Variants in STIMATE observed in about 807,000 individuals in gnomAD.
The protein encoded by STIMATE is store-operated calcium entry regulator STIMATE.
In STIMATE, 15 loss-of-function variants were observed where a neutral mutation model predicts 36.7. The ratio of observed to expected loss-of-function variants is 0.41; its 90% CI spans 0.27 to 0.63. The LOEUF is 0.63. Among genes scored for constraint, STIMATE ranks in the 20% least tolerant of loss-of-function variants. STIMATE has a pLI of 0.32. For missense variants in STIMATE, 305 were observed against 397.3 expected (o/e 0.77, Z 1.98); for synonymous variants, 163 against 162.3 (o/e 1.00, Z -0.03).
chr3:52,847,785 T>C (rs1188374499), intron 4 of STIMATE, among the ~76,000 whole-genome samples: 1 of 152,204 alleles, frequency 6.6e-6, no homozygotes, highest in Admixed American at 6.5e-5. Context: ...GTCAGCTGAC[T>C]TTAAGACAGG....
chr3:52,843,846 T>C (rs1578798437), intron 5 of STIMATE, 48 bp from the exon 6 acceptor site: 1 of 1,554,434 alleles, frequency 6.4e-7, no homozygotes, highest in African/African-American at 1.5e-5. Flanking sequence ...CCACCGAGAG[T>C]GTGCCTGGGG....
Position 52,843,255 on chromosome 3 carries a change from C to T in STIMATE, c.619-295G>A, listed in dbSNP as rs1011425926. On this transcript the variant is annotated intron_variant, in intron 6 of 7. Transcript: ENST00000355083. ...CCTGGAAGCAAGGTCTCTGGACACG[C>T]GTTCCAGGCCCCTCCCCACAGACTC... 1.6e-5 allele frequency: 7 copies of T among 443,882 alleles called. 1 individual carries two copies. The highest frequency in any genetic ancestry group is 5.5e-5 in the South Asian group (2 of 36,044). The allele number at this position is 443,882 out of a possible 1,614,324, so 27.5% of individuals were successfully genotyped here.
At chr3:52,888,012 T>G (rs1159273815) in intron 1 of STIMATE, among the ~76,000 whole-genome samples, 1 of 142,844 alleles carries the variant, frequency 7.0e-6, no homozygotes, top group African/African-American at 2.6e-5. Context: ...TTTTTTTTTT[T>G]TTTTTTTTTG....
chr3:52,879,628 A>T (rs1050309898), intron 1 of STIMATE, among the ~76,000 whole-genome samples: 2 of 152,182 alleles, frequency 1.3e-5, no homozygotes, highest in Non-Finnish European at 2.9e-5. Context: ...TCAGAATAGG[A>T]TTCCTCAACT....
intron 3 of STIMATE, among the ~76,000 whole-genome samples, chr3:52,850,798 A>G (rs1291152545): frequency 6.6e-6 from 1 of 152,196 alleles, no homozygotes; most frequent in African/African-American, 2.4e-5. Context: ...CGGTGCAATC[A>G]GCTCACTGCA....
intron 1 of STIMATE, among the ~76,000 whole-genome samples, chr3:52,869,695 C>A (rs1410114266): frequency 6.6e-6 from 1 of 152,222 alleles, no homozygotes; most frequent in Non-Finnish European, 1.5e-5. Context: ...GGCACCCAGG[C>A]CAGTACCTGG....
chr3:52,839,195 CCT>C lies in STIMATE; in HGVS notation c.*1297_*1298del, dbSNP rs1231882349. The C allele has an allele frequency of 6.6e-6, 1 of 152,288 alleles. No individual in the cohort carries two copies. Among genetic ancestry groups the C allele is most frequent in the Admixed American group, 6.5e-5 (1 of 15,286 alleles). The allele number at this position is 152,288 out of a possible 1,614,324, so 9.4% of individuals were successfully genotyped here. ...GGTTTAGAGAGTGAGCTCTCTCACC[CCT>C]GCCTCCCTTAGCCACCTCAGCTTTG... On this transcript the variant is annotated 3_prime_UTR_variant, in exon 8 of 8. Transcript: ENST00000355083.
chr3:52,858,935 G>A (rs950915214), intron 1 of STIMATE, among the ~76,000 whole-genome samples: 6 of 152,100 alleles, frequency 3.9e-5, no homozygotes, highest in African/African-American at 1.4e-4. Context: ...GAGGTGGGCA[G>A]ATCACCTGAG....
chr3:52,854,811 T>A (rs565661450), intron 2 of STIMATE, among the ~76,000 whole-genome samples: 1 of 152,302 alleles, frequency 6.6e-6, no homozygotes, highest in African/African-American at 2.4e-5. Flanking sequence ...CTGTTCTAAC[T>A]CCAGGTAGTT....
chr3:52,840,347 TG>T lies in STIMATE; in HGVS notation c.*146del. On this transcript the variant is annotated 3_prime_UTR_variant, in exon 8 of 8. Transcript: ENST00000355083. Reference sequence around the variant, plus strand: ...TCCCTCTTTTTAAGTCACAGTAGTCTGGGGGCAGGCGAGAGCGGGCAGAGAC... The same window carrying T: ...TCCCTCTTTTTAAGTCACAGTAGTCTGGGGCAGGCGAGAGCGGGCAGAGAC... 1.1e-6 allele frequency: 1 copy of T among 935,606 alleles called. No homozygotes were observed. Among genetic ancestry groups the T allele is most frequent in the African/African-American group, 1.7e-5 (1 of 60,604 alleles). 58.0% of individuals were successfully genotyped at this position (935,606 alleles called of 1,614,324 possible). A position where few individuals can be genotyped will look rare whatever the true frequency, so the allele number is the denominator to read the frequency against.
rs190126348 is a variant in STIMATE, at chr3:52,878,211, C to T, written c.160+19080G>A. ...AACTACCATAATGTGGCCTGGTGGTCATGAGAGGCAAGGGACCAAATTTAC... is the reference window on the plus strand; with the variant it reads ...AACTACCATAATGTGGCCTGGTGGTTATGAGAGGCAAGGGACCAAATTTAC... On this transcript the variant is annotated intron_variant, in intron 1 of 7. Transcript: ENST00000355083. Among the ~76,000 whole-genome samples, 4 of 151,796 alleles carry T rather than the reference C, an allele frequency of 2.6e-5. No homozygotes were observed. In the East Asian group the frequency reaches 5.8e-4, roughly 22 times the overall value.
chr3:52,859,531 A>AAAAATTT (rs748928249), intron 1 of STIMATE, among the ~76,000 whole-genome samples: 42 of 18,838 alleles, frequency 2.2e-3, no homozygotes, highest in East Asian at 0.01. Context: ...AAAAAAAAAA[A>AAAAATTT]TTTTTTTTTT....
chr3:52,867,984 G>T (rs1701339584), intron 1 of STIMATE, among the ~76,000 whole-genome samples: 1 of 152,206 alleles, frequency 6.6e-6, no homozygotes, highest in African/African-American at 2.4e-5. Context: ...TTCTTGACCA[G>T]GTCTCCAGTG....
intron 7 of STIMATE, among the ~76,000 whole-genome samples, chr3:52,841,973 C>G (rs1046795880): frequency 1.3e-5 from 2 of 152,214 alleles, no homozygotes; most frequent in Non-Finnish European, 2.9e-5. Context: ...ACACGGCTTC[C>G]CCTCTGTCCT....
chr3:52,865,025 C>T (rs999242126), intron 1 of STIMATE, among the ~76,000 whole-genome samples: 7 of 151,900 alleles, frequency 4.6e-5, no homozygotes, highest in African/African-American at 1.7e-4. Context: ...CGGCTCACTG[C>T]AACCTCTGCC....
chr3:52,893,163 A>C (rs551126736), intron 1 of STIMATE, among the ~76,000 whole-genome samples: 1 of 152,110 alleles, frequency 6.6e-6, no homozygotes, highest in East Asian at 1.9e-4. Context: ...GCTTTTAAAA[A>C]CTCCAGCTAT....
chr3:52,863,458 C>T (rs1051188656), intron 1 of STIMATE, among the ~76,000 whole-genome samples: 1 of 152,196 alleles, frequency 6.6e-6, no homozygotes, highest in Non-Finnish European at 1.5e-5. Context: ...CACCAGGTCC[C>T]TCCCGCAACA....
intron 1 of STIMATE, among the ~76,000 whole-genome samples, chr3:52,894,272 CCCG>C (rs1287655501): frequency 6.6e-6 from 1 of 152,182 alleles, no homozygotes; most frequent in Non-Finnish European, 1.5e-5. Flanking sequence ...CTCTAGGAAG[CCCG>C]CCAACTCAAC....
intron 1 of STIMATE, among the ~76,000 whole-genome samples, chr3:52,861,580 C>G (rs894194843): frequency 6.6e-6 from 1 of 152,194 alleles, no homozygotes; most frequent in African/African-American, 2.4e-5. Context: ...ACCGGCTAGG[C>G]ACGTTGTCTC....
Sources: gnomAD v4.1 joint callset for allele counts (sites outside exome capture counted in the v4.1 genomes callset) on GRCh38, gnomAD v4.1.1 for gene constraint, MANE v1.5 for transcripts, NCBI Gene and HGNC (gene_info 2026-07-23, HGNC 2026-07-21) for gene names.